Variants in MPPED2 observed in about 807,000 individuals in gnomAD.
MPPED2 encodes metallophosphoesterase domain containing 2, also known as metallophosphoesterase MPPED2.
In MPPED2, 5 loss-of-function variants were observed where a neutral mutation model predicts 33.0. That is an observed-to-expected ratio of 0.15 (90% CI 0.08 to 0.32). The LOEUF is 0.32. Ranked by LOEUF, MPPED2 falls within the 10% of genes least tolerant of loss-of-function variation. The pLI, the probability that MPPED2 is intolerant of heterozygous loss-of-function variation, is 1.00. For missense variants in MPPED2, 275 were observed against 372.1 expected (o/e 0.74, Z 2.15); for synonymous variants, 136 against 141.9 (o/e 0.96, Z 0.29).
intron 2 of MPPED2, among the ~76,000 whole-genome samples, chr11:30,546,675 G>A (rs1442714712): frequency 6.6e-6 from 1 of 152,078 alleles, no homozygotes; most frequent in Non-Finnish European, 1.5e-5. Context: ...CCAACTTTGA[G>A]TTGAATTGAT....
At chr11:30,428,598 T>G (rs1948945603) in intron 4 of MPPED2, among the ~76,000 whole-genome samples, 1 of 152,152 alleles carries the variant, frequency 6.6e-6, no homozygotes, top group African/African-American at 2.4e-5. Flanking sequence ...AACCAGAACT[T>G]TGTAGTGCAA....
intron 4 of MPPED2, among the ~76,000 whole-genome samples, chr11:30,485,979 G>A (rs1180088004): frequency 3.9e-5 from 6 of 152,212 alleles, no homozygotes; most frequent in African/African-American, 1.4e-4. Context: ...CTCATCAGAA[G>A]GGGCGGAAGG....
Position 30,480,705 on chromosome 11 carries a change from G to A in MPPED2, c.536+14591C>T, listed in dbSNP as rs1214382594. On this transcript the variant is annotated intron_variant, in intron 4 of 6. Transcript: ENST00000358117. ...GCTAAATTTACTTGAAATTTTTAGA[G>A]ATGTAAAAGACAACTTCCAATAAAA... 2.0e-5 allele frequency among the ~76,000 whole-genome samples: 3 copies of A among 152,204 alleles called. No homozygotes were observed. In the East Asian group the frequency reaches 5.8e-4, roughly 29 times the overall value.
rs115505801 is a variant in MPPED2 at position 30,505,609 on chromosome 11, G to T, written c.311-10088C>A. ...AAAGAAAGATTTATACAACAAATTC[G>T]ATCTGAACAATCAGACTAGCTTCTA... On this transcript the variant is annotated intron_variant, in intron 3 of 6. Coordinates refer to ENST00000358117, the MANE Select transcript of MPPED2 (RefSeq NM_001584.3). Among the ~76,000 whole-genome samples, 1,034 of 152,230 alleles carry T rather than the reference G, an allele frequency of 6.8e-3. 9 individuals carry two copies. The highest frequency in any genetic ancestry group is 0.023 in the African/African-American group (963 of 41,530).
Position 30,513,940 on chromosome 11 carries a change from C to T in MPPED2, c.311-18419G>A, listed in dbSNP as rs529197922. 4.7e-4 allele frequency among the ~76,000 whole-genome samples: 72 copies of T among 152,318 alleles called. 1 individual carries two copies. In the South Asian group the frequency reaches 0.014, roughly 31 times the overall value. ...GCCAAGCCTCACTACAGTGCTGTCTCCTGCCATACCCAAGGGACTCCATTC... is the reference window on the plus strand; with the variant it reads ...GCCAAGCCTCACTACAGTGCTGTCTTCTGCCATACCCAAGGGACTCCATTC... On this transcript the variant is annotated intron_variant, in intron 3 of 6. Transcript: ENST00000358117.
At chr11:30,539,757 G>A (rs549497) in intron 2 of MPPED2, among the ~76,000 whole-genome samples, 94,277 of 151,910 alleles carry the variant, frequency 0.62, 29,529 homozygotes, top group African/African-American at 0.71. Context: ...AGTAGCTGGG[G>A]TTATGGGCAC....
chr11:30,581,859 G>C (rs1957183951), intron 1 of MPPED2, among the ~76,000 whole-genome samples: 1 of 152,168 alleles, frequency 6.6e-6, no homozygotes, highest in South Asian at 2.1e-4. Context: ...ACTGCCAAGA[G>C]ATGAATCCCC....
exon 7 of MPPED2, chr11:30,386,889 T>C (rs2133690085): frequency 2.5e-6 from 1 of 397,626 alleles, no homozygotes; most frequent in South Asian, 1.3e-4. Context: ...CAACACTTAT[T>C]AAGCATCTGC....
chr11:30,453,305 G>T (rs1239240710), intron 4 of MPPED2, among the ~76,000 whole-genome samples: 1 of 152,162 alleles, frequency 6.6e-6, no homozygotes, highest in South Asian at 2.1e-4. Context: ...TAAGGAAACT[G>T]CAGATGTGGA....
intron 6 of MPPED2, among the ~76,000 whole-genome samples, chr11:30,400,569 G>T (rs1472977828): frequency 6.6e-6 from 1 of 152,110 alleles, no homozygotes; most frequent in Non-Finnish European, 1.5e-5. Flanking sequence ...AATCTTTGAA[G>T]ACTAGAGCAT....
chr11:30,403,141 C>G (rs528449835), intron 6 of MPPED2, among the ~76,000 whole-genome samples: 10 of 151,228 alleles, frequency 6.6e-5, no homozygotes, highest in Non-Finnish European at 1.3e-4. Context: ...CAGCTACTCG[C>G]GAGGATGAGG....
chr11:30,411,407 A>T lies in MPPED2; in HGVS notation c.*61T>A. On this transcript the variant is annotated 3_prime_UTR_variant, in exon 7 of 7. Transcript: ENST00000358117. ...TAAATAAGTAAGAGAATGTAAGTTT[A>T]TAATTAGAAAAATGGCAGTTTATAG... is the stretch of plus-strand genomic sequence containing the variant. 1 of 1,537,736 alleles carries T rather than the reference A, an allele frequency of 6.5e-7. No homozygotes were observed. Among genetic ancestry groups the T allele is most frequent in the Non-Finnish European group, 8.8e-7 (1 of 1,136,948 alleles).
chr11:30,568,895 T>TA (rs1309280454), intron 2 of MPPED2, among the ~76,000 whole-genome samples: 3 of 152,154 alleles, frequency 2.0e-5, no homozygotes, highest in Non-Finnish European at 4.4e-5. Context: ...TTGATTTCCC[T>TA]AAAACCAGCT....
chr11:30,580,249 T>C lies in MPPED2; in HGVS notation c.125A>G (p.His42Arg). The C allele has an allele frequency of 2.5e-6, 4 of 1,613,766 alleles. No homozygotes were observed. Among genetic ancestry groups the C allele is most frequent in the Non-Finnish European group, 3.4e-6 (4 of 1,179,864 alleles). ...TAAGTTCATAAGCGATACTTACATA[T>C]GTACATGTGGAGGCTGGAATCTGCT... is the stretch of plus-strand genomic sequence containing the variant. ...NQSRFQPPHV[H>R]MVDPIPYDTP... The change falls in exon 2 of 7, where the codon CAT becomes CGT. Residue 42 changes from histidine to arginine, a missense_variant. By Grantham distance (29) the His-to-Arg change is conservative. Coordinates refer to ENST00000358117, the MANE Select transcript of MPPED2 (RefSeq NM_001584.3).
At chr11:30,533,890 T>A (rs1954672064) in intron 3 of MPPED2, among the ~76,000 whole-genome samples, 1 of 152,250 alleles carries the variant, frequency 6.6e-6, no homozygotes, top group African/African-American at 2.4e-5. Context: ...CTTTCCCTTA[T>A]AAAATCTCCC....
intron 1 of MPPED2, 46 bp from the exon 2 acceptor site, chr11:30,580,540 A>T (rs1272829360): frequency 7.1e-7 from 1 of 1,411,992 alleles, no homozygotes; most frequent in African/African-American, 1.4e-5. Flanking sequence ...AAAGAGAAAA[A>T]GGGTGTTCTA....
intron 2 of MPPED2, among the ~76,000 whole-genome samples, chr11:30,553,901 T>G (rs1050050853): frequency 1.3e-5 from 2 of 152,200 alleles, no homozygotes; most frequent in African/African-American, 4.8e-5. Context: ...GGGAGTCATA[T>G]TGCACTGACA....
At chr11:30,431,598 G>A (rs1457808117) in intron 4 of MPPED2, among the ~76,000 whole-genome samples, 1 of 152,188 alleles carries the variant, frequency 6.6e-6, no homozygotes, top group Admixed American at 6.5e-5. Context: ...GAATGATAAA[G>A]CAGATGGTGG....
chr11:30,550,333 T>C (rs1283735663), intron 2 of MPPED2, among the ~76,000 whole-genome samples: 1 of 152,176 alleles, frequency 6.6e-6, no homozygotes, highest in Non-Finnish European at 1.5e-5. Flanking sequence ...ACACTGAGTA[T>C]CTTGAACCCA....
Sources: allele counts gnomAD v4.1 joint callset (sites outside exome capture counted in the v4.1 genomes callset), GRCh38; gene constraint gnomAD v4.1.1; transcripts MANE v1.5; gene names NCBI Gene and HGNC (gene_info 2026-07-23, HGNC 2026-07-21).